Variants in SLIT2 observed in about 807,000 individuals in gnomAD.
SLIT2 encodes slit guidance ligand 2, also known as slit homolog 2 protein.
Under a neutral mutation model 185.7 loss-of-function variants are expected in SLIT2, and 41 were observed. That is an observed-to-expected ratio of 0.22 (90% CI 0.17 to 0.29). SLIT2 has a LOEUF of 0.29. SLIT2 is among the 10% of genes least tolerant of loss of function. SLIT2 has a pLI of 1.00. For missense variants in SLIT2, 1,571 were observed against 1,909.0 expected, an observed-to-expected ratio of 0.82 and a Z score of 3.30; for synonymous variants, 693 against 680.2, an observed-to-expected ratio of 1.02 and a Z score of -0.29.
At chr4:20,352,001 A>G (rs569119033) in intron 4 of SLIT2, among the ~76,000 whole-genome samples, 1 of 152,304 alleles carries the variant, frequency 6.6e-6, no homozygotes, top group East Asian at 1.9e-4. Flanking sequence ...AATCATGCAC[A>G]TGCTTGAATT....
chr4:20,543,412 C>G (rs573519924), intron 21 of SLIT2, among the ~76,000 whole-genome samples: 2 of 152,248 alleles, frequency 1.3e-5, no homozygotes, highest in South Asian at 4.1e-4. Context: ...ATGCCCCATT[C>G]ATTCCATTCC....
At chr4:20,511,409 T>C (rs1301221028) in intron 11 of SLIT2, among the ~76,000 whole-genome samples, 1 of 149,576 alleles carries the variant, frequency 6.7e-6, no homozygotes, top group Non-Finnish European at 1.5e-5. Context: ...TTTTTGACCA[T>C]TTTTTTATTT....
chr4:20,542,304 CCT>C (rs1319255835), intron 20 of SLIT2, among the ~76,000 whole-genome samples, 188 bp from the exon 21 acceptor site: 1 of 152,012 alleles, frequency 6.6e-6, no homozygotes, highest in African/African-American at 2.4e-5. Context: ...AGAATTCTTC[CCT>C]AGGCAGTCTG....
intron 4 of SLIT2, among the ~76,000 whole-genome samples, chr4:20,410,243 C>CTTTCTTTTT (rs1727120739): frequency 1.4e-5 from 1 of 69,050 alleles, no homozygotes; most frequent in African/African-American, 5.8e-5. Context: ...TCTTTCTTTT[C>CTTTCTTTTT]TTTTTTTTTT....
At position 20,528,930 on chromosome 4, in the gene SLIT2, T is replaced by G. The variant is rs747636802; in HGVS notation, c.1463-19T>G. 3.1e-6 allele frequency: 5 copies of G among 1,590,000 alleles called. No homozygotes were observed. In the South Asian group the frequency reaches 5.7e-5, roughly 18 times the overall value. On this transcript the variant is annotated intron_variant, in intron 15 of 36. Coordinates refer to ENST00000504154, the MANE Select transcript of SLIT2 (RefSeq NM_004787.4). This position sits in a 1 kb window ranked among gnomAD's most constrained non-coding sequence, Gnocchi z 4.2. The stretch of plus-strand genomic sequence containing the variant: ...ACCTTTAGACTCAGTATCTTTTTTT[T>G]GGTTTGAATTCTCAATAGGTACAGA...
At chr4:20,313,027 G>A (rs1372221152) in intron 4 of SLIT2, among the ~76,000 whole-genome samples, 2 of 152,106 alleles carry the variant, frequency 1.3e-5, no homozygotes, top group Non-Finnish European at 2.9e-5. Context: ...TTCTAGGCTT[G>A]AGGGAGAATT....
At position 20,523,787 on chromosome 4, in the gene SLIT2, C is replaced by T. The variant is rs2148848931; in HGVS notation, c.1158C>T (p.Cys386=). The T allele has an allele frequency of 6.2e-7, 1 of 1,613,944 alleles. No homozygotes were observed. The highest frequency in any genetic ancestry group is 8.5e-7 in the Non-Finnish European group (1 of 1,179,866). Residue 386 remains cysteine (C), a synonymous_variant, in exon 13 of 37, where the codon TGC becomes TGT. Coordinates refer to ENST00000504154, the MANE Select transcript of SLIT2 (RefSeq NM_004787.4). ...TATTGAATGCCAACAAGATAAACTG[C>T]CTTCGGGTAGATGCTTTTCAGGATC... ...LLLLNANKIN[C]LRVDAFQDLH... is the part of the protein sequence containing the mutation.
intron 4 of SLIT2, among the ~76,000 whole-genome samples, chr4:20,360,282 T>C (rs1239156041): frequency 1.3e-5 from 2 of 152,164 alleles, no homozygotes; most frequent in African/African-American, 2.4e-5. Flanking sequence ...GAGGAATGCT[T>C]ATACGTTAGT....
intron 4 of SLIT2, among the ~76,000 whole-genome samples, chr4:20,286,015 T>A (rs1037070527): frequency 6.6e-6 from 1 of 152,236 alleles, no homozygotes; most frequent in African/African-American, 2.4e-5. Context: ...CATTCGTTTT[T>A]CAATAATATG....
intron 6 of SLIT2, among the ~76,000 whole-genome samples, chr4:20,481,886 G>T (rs1205984341): frequency 6.6e-6 from 1 of 151,852 alleles, no homozygotes; most frequent in African/African-American, 2.4e-5. Flanking sequence ...GAATTGATTG[G>T]GATAAAATGT....
At chr4:20,557,212 G>A (rs1371205375) in intron 26 of SLIT2, among the ~76,000 whole-genome samples, 1 of 152,060 alleles carries the variant, frequency 6.6e-6, no homozygotes, top group Non-Finnish European at 1.5e-5. Flanking sequence ...TGGTGACACT[G>A]TTAAACAACA....
At chr4:20,298,577 C>T (rs1054719874) in intron 4 of SLIT2, among the ~76,000 whole-genome samples, 2 of 152,156 alleles carry the variant, frequency 1.3e-5, no homozygotes, top group Non-Finnish European at 2.9e-5. Flanking sequence ...AAACAATCTC[C>T]TTCAAGGGAT....
chr4:20,575,624 G>C (rs1365187237), intron 29 of SLIT2, among the ~76,000 whole-genome samples: 1 of 151,962 alleles, frequency 6.6e-6, no homozygotes, highest in Non-Finnish European at 1.5e-5. Flanking sequence ...CTCCTTCCAG[G>C]CACGGCTTCT....
intron 4 of SLIT2, among the ~76,000 whole-genome samples, chr4:20,409,504 T>C (rs1727032844): frequency 6.6e-6 from 1 of 152,168 alleles, no homozygotes; most frequent in Non-Finnish European, 1.5e-5. Context: ...CATGTCTTTG[T>C]TAGTGTGAAT....
intron 4 of SLIT2, among the ~76,000 whole-genome samples, chr4:20,411,406 A>G (rs931710149): frequency 3.3e-5 from 5 of 152,210 alleles, no homozygotes; most frequent in African/African-American, 4.8e-5. Flanking sequence ...TAGAGAGATT[A>G]ATAACTTGGC....
chr4:20,567,436 G>T, intron 27 of SLIT2, 50 bp downstream of exon 27: 1 of 1,611,806 alleles, frequency 6.2e-7, no homozygotes, highest in Non-Finnish European at 8.5e-7. Context: ...AACTTTTCTT[G>T]GTGTGCCTTT....
intron 11 of SLIT2, among the ~76,000 whole-genome samples, chr4:20,515,043 T>C (rs1206984678): frequency 1.3e-5 from 2 of 152,300 alleles, no homozygotes; most frequent in East Asian, 3.9e-4. Flanking sequence ...CTTCCTTCTA[T>C]AGTAACAAAA....
chr4:20,423,339 C>A (rs1728305391), intron 4 of SLIT2, among the ~76,000 whole-genome samples: 1 of 151,572 alleles, frequency 6.6e-6, no homozygotes, highest in Admixed American at 6.6e-5. Flanking sequence ...TTGAAATACT[C>A]ATTATTTACA....
At chr4:20,417,640 G>C (rs1266214451) in intron 4 of SLIT2, among the ~76,000 whole-genome samples, 2 of 151,574 alleles carry the variant, frequency 1.3e-5, no homozygotes, top group East Asian at 1.9e-4. Context: ...CCCTGCTTCA[G>C]CCTCCCGAGT....
Sources: allele counts gnomAD v4.1 joint callset (sites outside exome capture counted in the v4.1 genomes callset), GRCh38; gene constraint gnomAD v4.1.1; non-coding constraint Gnocchi (gnomAD v3.1); transcripts MANE v1.5; gene names NCBI Gene and HGNC (gene_info 2026-07-23, HGNC 2026-07-21).